H1-1: variants seen among roughly 807,000 people sequenced by gnomAD.
H1-1 encodes the protein histone H1.1.
In H1-1, 2 loss-of-function variants were observed where a neutral mutation model predicts 0.8. The observed-to-expected ratio is 2.64, with a 90% CI of 1.08 to 8.30. The LOEUF (loss-of-function observed/expected upper bound fraction) is 8.30, where lower values mean the gene tolerates loss of function less well. Among genes scored for constraint, H1-1 ranks in the 30% most tolerant of loss-of-function variants. The probability of loss-of-function intolerance (pLI) is 0.04; values close to 1 mark genes in which losing one functional copy is unlikely to be tolerated. For synonymous variants in H1-1, 211 were observed against 108.2 expected (o/e 1.95, Z -5.89); for missense variants, 516 against 262.6 (o/e 1.97, Z -6.67).
chr6:26,017,041 C>CTTTT lies in H1-1; in HGVS notation c.*43_*44insAAAA. 3 of 1,537,562 alleles carry CTTTT rather than the reference C, an allele frequency of 2.0e-6. No individual in the cohort carries two copies. Among genetic ancestry groups the CTTTT allele is most frequent in the Non-Finnish European group, 2.6e-6 (3 of 1,149,054 alleles). ...CTTTTCCTGAAATGCGTAGGTGGCT[C>CTTTT]TTAAAAGAGCCGTTGGGTTACTAGA... On this transcript the variant is annotated 3_prime_UTR_variant, in exon 1 of 1. Transcript: ENST00000244573.
rs417751 is a variant in H1-1 at position 26,017,437 on chromosome 6, G to A, written c.296C>T (p.Thr99Ile). 2,766 of 1,614,016 alleles carry A rather than the reference G, an allele frequency of 1.7e-3. 30 individuals carry two copies. In the African/African-American group the frequency reaches 0.03, roughly 17 times the overall value. Reference sequence around the variant, plus strand: ...GGAACCCGAGGCTCCGGTACCCTTTGTCTGCACCAACGTTCCCTTGCTTAC... The same window carrying A: ...GGAACCCGAGGCTCCGGTACCCTTTATCTGCACCAACGTTCCCTTGCTTAC... Reference protein sequence around the residue: ...SLVSKGTLVQTKGTGASGSFK... With the variant: ...SLVSKGTLVQIKGTGASGSFK... The change falls in exon 1 of 1, where the codon ACA becomes ATA. Residue 99 changes from threonine to isoleucine, a missense_variant. Thr to Ile is a moderately conservative substitution (Grantham distance 89). Transcript: ENST00000244573.
Position 26,017,458 on chromosome 6 carries a change from C to T in H1-1, c.275G>A (p.Ser92Asn), listed in dbSNP as rs568690016. Residue 92 changes from serine (S) to asparagine (N), a missense_variant, in exon 1 of 1, where the codon AGC becomes AAC. Ser to Asn is a conservative substitution (Grantham distance 46). Coordinates refer to ENST00000244573, the MANE Select transcript of H1-1 (RefSeq NM_005325.4). ...RIKLGIKSLV[S>N]KGTLVQTKGT... ...CTTTGTCTGCACCAACGTTCCCTTG[C>T]TTACCAGGCTCTTAATGCCCAGCTT... The T allele has an allele frequency of 3.4e-4, 542 of 1,613,984 alleles. 6 individuals are homozygous for T. The South Asian group carries it at 5.6e-3, about 17-fold the overall frequency.
Position 26,017,462 on chromosome 6 carries a change from C to G in H1-1, c.271G>C (p.Val91Leu). The G allele has an allele frequency of 1.2e-6, 2 of 1,613,898 alleles. No individual in the cohort carries two copies. The highest frequency in any genetic ancestry group is 2.2e-5 in the East Asian group (1 of 44,866). Residue 91 changes from valine (V) to leucine (L), a missense_variant, in exon 1 of 1, where the codon GTA becomes CTA. Val to Leu is a conservative substitution (Grantham distance 32). Transcript: ENST00000244573. ...SRIKLGIKSL[V>L]SKGTLVQTKG... ...GTCTGCACCAACGTTCCCTTGCTTA[C>G]CAGGCTCTTAATGCCCAGCTTAATG...
Position 26,017,574 on chromosome 6 carries a change from G to C in H1-1, c.159C>G (p.Ser53=), listed in dbSNP as rs759081319. The C allele has an allele frequency of 5.6e-6, 9 of 1,613,948 alleles. No homozygotes were observed. The highest frequency in any genetic ancestry group is 7.6e-6 in the Non-Finnish European group (9 of 1,179,934). Residue 53 remains serine (S), a synonymous_variant, in exon 1 of 1, where the codon TCC becomes TCG. Transcript: ENST00000244573. ...VSELIVQAAS[S]SKERGGVSLA... is the part of the protein sequence containing the mutation. The stretch of plus-strand genomic sequence containing the variant: ...ACGACACACCACCACGCTCCTTAGA[G>C]GAGGAAGCAGCCTGCACGATCAGCT...
At position 26,017,760 on chromosome 6, in the gene H1-1, G is replaced by C; in HGVS notation, c.-28C>G. 8 of 1,598,888 alleles carry C rather than the reference G, an allele frequency of 5.0e-6. No homozygotes were observed. The highest frequency in any genetic ancestry group is 6.8e-6 in the Non-Finnish European group (8 of 1,171,452). ...TGACTAACACAGCACACCAAATAAAGTGGTATAAACCTGACGAAGCAGGAT... is the reference window on the plus strand; with the variant it reads ...TGACTAACACAGCACACCAAATAAACTGGTATAAACCTGACGAAGCAGGAT... On this transcript the variant is annotated 5_prime_UTR_variant, in exon 1 of 1. Transcript: ENST00000244573.
rs1223901447 is a variant in H1-1, at chr6:26,017,321, T to C, written c.412A>G (p.Lys138Glu). Residue 138 changes from lysine (K) to glutamate (E), a missense_variant, in exon 1 of 1, where the codon AAG becomes GAG. By Grantham distance (56) the Lys-to-Glu change is moderately conservative (BLOSUM62 1). Transcript: ENST00000244573. The stretch of plus-strand genomic sequence containing the variant: ...CTAGCCCCCGTGGCCTTTTTGAGCT[T>C]TTTAGATGCACCCGTTGCCTTAGTT... The part of the protein sequence containing the change: ...TKTKATGASK[K>E]LKKATGASKK... 2.5e-6 allele frequency: 4 copies of C among 1,613,904 alleles called. No individual in the cohort carries two copies. In the African/African-American group the frequency reaches 5.3e-5, roughly 22 times the overall value.
rs751952125 is a variant in H1-1 at position 26,017,304 on chromosome 6, C to T, written c.429G>A (p.Thr143=). Residue 143 remains threonine (T), a synonymous_variant, in exon 1 of 1, where the codon ACG becomes ACA. Transcript: ENST00000244573. ...TGASKKLKKA[T]GASKKSVKTP... is the part of the protein sequence containing the mutation. ...TCTTGACGCTCTTTTTGCTAGCCCC[C>T]GTGGCCTTTTTGAGCTTTTTAGATG... is the stretch of plus-strand genomic sequence containing the variant. The T allele has an allele frequency of 1.4e-5, 22 of 1,613,880 alleles. No homozygotes were observed. The highest frequency in any genetic ancestry group is 1.8e-5 in the Non-Finnish European group (21 of 1,179,962).
At position 26,017,759 on chromosome 6, in the gene H1-1, A is replaced by T. The variant is rs769505738; in HGVS notation, c.-27T>A. 1 of 1,598,968 alleles carries T rather than the reference A, an allele frequency of 6.3e-7. No individual in the cohort carries two copies. Among genetic ancestry groups the T allele is most frequent in the African/African-American group, 1.3e-5 (1 of 74,256 alleles). ...GTGACTAACACAGCACACCAAATAA[A>T]GTGGTATAAACCTGACGAAGCAGGA... On this transcript the variant is annotated 5_prime_UTR_variant, in exon 1 of 1. Transcript: ENST00000244573.
At position 26,017,223 on chromosome 6, in the gene H1-1, T is replaced by C. The variant is rs1012045674; in HGVS notation, c.510A>G (p.Lys170=). The C allele has an allele frequency of 1.9e-6, 3 of 1,614,082 alleles. No individual in the cohort carries two copies. The highest frequency in any genetic ancestry group is 2.7e-5 in the African/African-American group (2 of 74,910). Residue 170 remains lysine (K), a synonymous_variant, in exon 1 of 1, where the codon AAA becomes AAG. Transcript: ENST00000244573. The part of the protein sequence containing the change: ...AATRKSSKNP[K]KPKTVKPKKV... The stretch of plus-strand genomic sequence containing the variant: ...TCTTGGGCTTTACAGTTTTGGGTTT[T>C]TTTGGATTCTTGGAGGATTTCCTTG...
Position 26,017,473 on chromosome 6 carries a change from A to T in H1-1, c.260T>A (p.Ile87Asn). The change falls in exon 1 of 1, where the codon ATT (isoleucine) becomes AAT (asparagine). Residue 87 changes from isoleucine (I) to asparagine (N), a missense_variant. Ile to Asn is a moderately radical substitution (Grantham distance 149, BLOSUM62 -3). Transcript: ENST00000244573. ...EKNNSRIKLG[I>N]KSLVSKGTLV... ...CGTTCCCTTGCTTACCAGGCTCTTA[A>T]TGCCCAGCTTAATGCGGCTGTTGTT... 1.2e-6 allele frequency: 2 copies of T among 1,613,760 alleles called. No individual in the cohort carries two copies. Among genetic ancestry groups the T allele is most frequent in the Non-Finnish European group, 1.7e-6 (2 of 1,179,788 alleles).
At position 26,017,499 on chromosome 6, in the gene H1-1, C is replaced by T. The variant is rs755608309; in HGVS notation, c.234G>A (p.Lys78=). ...TGCCCAGCTTAATGCGGCTGTTGTT[C>T]TTCTCCACGTCGTAGCCTGCGGCCG... ...ALAAAGYDVE[K]NNSRIKLGIK... The change falls in exon 1 of 1, where the codon AAG becomes AAA. Residue 78 remains lysine (K), a synonymous_variant. Coordinates refer to ENST00000244573, the MANE Select transcript of H1-1 (RefSeq NM_005325.4). 6.8e-6 allele frequency: 11 copies of T among 1,614,058 alleles called. No homozygotes were observed. Among genetic ancestry groups the T allele is most frequent in the Middle Eastern group, 1.6e-4 (1 of 6,062 alleles).
In H1-1 at chr6:26,017,733, G is replaced by A. The variant is rs750850130; in HGVS notation, c.-1C>T. ...GGGCGGGAGGCACTGTTTCAGACATGGTGACTAACACAGCACACCAAATAA... is the reference window on the plus strand; with the variant it reads ...GGGCGGGAGGCACTGTTTCAGACATAGTGACTAACACAGCACACCAAATAA... On this transcript the variant is annotated 5_prime_UTR_variant, in exon 1 of 1. Coordinates refer to ENST00000244573, the MANE Select transcript of H1-1 (RefSeq NM_005325.4). The A allele has an allele frequency of 5.0e-6, 8 of 1,612,156 alleles. No homozygotes were observed. Among genetic ancestry groups the A allele is most frequent in the African/African-American group, 2.7e-5 (2 of 74,932 alleles).
chr6:26,017,556 A>G lies in H1-1; in HGVS notation c.177T>C (p.Gly59=), dbSNP rs777721177. Reference sequence around the variant, plus strand: ...CCTTTTTAAGAGCTGCCAACGACACACCACCACGCTCCTTAGAGGAGGAAG... The same window carrying G: ...CCTTTTTAAGAGCTGCCAACGACACGCCACCACGCTCCTTAGAGGAGGAAG... ...QAASSSKERG[G]VSLAALKKAL... is the part of the protein sequence containing the mutation. The change falls in exon 1 of 1, where the codon GGT becomes GGC. Residue 59 remains glycine, a synonymous_variant. Coordinates refer to ENST00000244573, the MANE Select transcript of H1-1 (RefSeq NM_005325.4). The G allele has an allele frequency of 5.0e-6, 8 of 1,614,100 alleles. No individual in the cohort carries two copies. The highest frequency in any genetic ancestry group is 1.1e-5 in the South Asian group (1 of 91,066).
Position 26,017,256 on chromosome 6 carries a change from A to G in H1-1, c.477T>C (p.Pro159=). Residue 159 remains proline (P), a synonymous_variant, in exon 1 of 1, where the codon CCT becomes CCC. Coordinates refer to ENST00000244573, the MANE Select transcript of H1-1 (RefSeq NM_005325.4). ...TCTTGGAGGATTTCCTTGTTGCCGCAGGCTTTTTAGCCTTTTTCGGAGTCT... is the reference window on the plus strand; with the variant it reads ...TCTTGGAGGATTTCCTTGTTGCCGCGGGCTTTTTAGCCTTTTTCGGAGTCT... The part of the protein sequence containing the change: ...SVKTPKKAKK[P]AATRKSSKNP... The G allele has an allele frequency of 1.2e-6, 2 of 1,613,914 alleles. No individual in the cohort carries two copies.
Position 26,017,344 on chromosome 6 carries a change from G to C in H1-1, c.389C>G (p.Thr130Ser). Residue 130 changes from threonine (T) to serine (S), a missense_variant, in exon 1 of 1, where the codon ACT (threonine) becomes AGT (serine). Transcript: ENST00000244573. ...KPGASKVATK[T>S]KATGASKKLK... The stretch of plus-strand genomic sequence containing the variant: ...CTTTTTAGATGCACCCGTTGCCTTA[G>C]TTTTTGTAGCCACCTTTGAGGCGCC... The C allele has an allele frequency of 6.2e-7, 1 of 1,614,050 alleles. No homozygotes were observed. The highest frequency in any genetic ancestry group is 8.5e-7 in the Non-Finnish European group (1 of 1,180,026).
rs1055910681 is a variant in H1-1 at position 26,017,205 on chromosome 6, C to T, written c.528G>A (p.Lys176=). 8 of 1,614,162 alleles carry T rather than the reference C, an allele frequency of 5.0e-6. No homozygotes were observed. The highest frequency in any genetic ancestry group is 3.3e-5 in the South Asian group (3 of 91,078). The change falls in exon 1 of 1, where the codon AAG becomes AAA. Residue 176 remains lysine (K), a synonymous_variant. Coordinates refer to ENST00000244573, the MANE Select transcript of H1-1 (RefSeq NM_005325.4). ...CAGGGCTTTTAGCTACTTTCTTGGG[C>T]TTTACAGTTTTGGGTTTTTTTGGAT... The part of the protein sequence containing the change: ...SKNPKKPKTV[K]PKKVAKSPAK...
chr6:26,017,674 G>A lies in H1-1; in HGVS notation c.59C>T (p.Ala20Val), dbSNP rs146301529. The A allele has an allele frequency of 1.4e-5, 22 of 1,613,942 alleles. No individual in the cohort carries two copies. Among genetic ancestry groups the A allele is most frequent in the Non-Finnish European group, 1.7e-5 (20 of 1,180,030 alleles). Residue 20 changes from alanine (A) to valine (V), a missense_variant, in exon 1 of 1, where the codon GCT becomes GTT. Coordinates refer to ENST00000244573, the MANE Select transcript of H1-1 (RefSeq NM_005325.4). ...AASAAPEKPLAGKKAKKPAKA... is the reference protein window; with the variant it reads ...AASAAPEKPLVGKKAKKPAKA... The stretch of plus-strand genomic sequence containing the variant: ...AGCAGGTTTCTTTGCCTTCTTGCCA[G>A]CTAAAGGTTTCTCAGGAGCAGCAGA...
Position 26,017,698 on chromosome 6 carries a change from G to C in H1-1, c.35C>G (p.Ser12Cys). The C allele has an allele frequency of 6.2e-7, 1 of 1,613,664 alleles. No homozygotes were observed. Among genetic ancestry groups the C allele is most frequent in the Non-Finnish European group, 8.5e-7 (1 of 1,179,892 alleles). Residue 12 changes from serine to cysteine, a missense_variant, in exon 1 of 1, where the codon TCT (serine) becomes TGT (cysteine). Transcript: ENST00000244573. ...SETVPPAPAA[S>C]AAPEKPLAGK... ...AGCTAAAGGTTTCTCAGGAGCAGCAGAAGCGGCGGGGGCGGGAGGCACTGT... is the reference window on the plus strand; with the variant it reads ...AGCTAAAGGTTTCTCAGGAGCAGCACAAGCGGCGGGGGCGGGAGGCACTGT...
Position 26,017,756 on chromosome 6 carries a change from T to G in H1-1, c.-24A>C. On this transcript the variant is annotated 5_prime_UTR_variant, in exon 1 of 1. Coordinates refer to ENST00000244573, the MANE Select transcript of H1-1 (RefSeq NM_005325.4). ...ATGGTGACTAACACAGCACACCAAA[T>G]AAAGTGGTATAAACCTGACGAAGCA... 6.3e-7 allele frequency: 1 copy of G among 1,598,326 alleles called. No homozygotes were observed. Among genetic ancestry groups the G allele is most frequent in the Non-Finnish European group, 8.5e-7 (1 of 1,171,332 alleles).
Sources: gnomAD v4.1 joint callset for allele counts on GRCh38, gnomAD v4.1.1 for gene constraint, MANE v1.5 for transcripts, NCBI Gene and HGNC (gene_info 2026-07-23, HGNC 2026-07-21) for gene names.